PARVB: variants seen among roughly 807,000 people sequenced by gnomAD.
PARVB encodes the protein parvin beta.
PARVB carries 46 observed loss-of-function variants against 47.0 expected under a neutral mutation model. The ratio of observed to expected loss-of-function variants is 0.98; its 90% CI spans 0.77 to 1.25. PARVB has a LOEUF of 1.25. Ranked by LOEUF, PARVB falls within the 50% of genes most tolerant of loss-of-function variation. The pLI is 0.00. For synonymous variants in PARVB, 196 were observed against 196.3 expected (o/e 1.00, Z 0.01); for missense variants, 473 against 471.6 (o/e 1.00, Z -0.03).
intron 2 of PARVB, among the ~76,000 whole-genome samples, chr22:44,013,517 AAC>A (rs1276398858): frequency 2.0e-5 from 3 of 152,220 alleles, no homozygotes; most frequent in African/African-American, 7.2e-5. Context: ...AGCCACTATC[AAC>A]ACAGAACAGA....
At chr22:44,094,886 G>A (rs940322651) in intron 2 of PARVB, among the ~76,000 whole-genome samples, 1 of 151,602 alleles carries the variant, frequency 6.6e-6, no homozygotes, top group Non-Finnish European at 1.5e-5. Context: ...TGGGCTTTGC[G>A]GTGCAGGAGC....
intron 10 of PARVB, among the ~76,000 whole-genome samples, chr22:44,154,866 G>T (rs532006210): frequency 1.8e-3 from 262 of 142,566 alleles, no homozygotes; most frequent in Non-Finnish European, 3.2e-3. Flanking sequence ...CTGTGGTGGG[G>T]GTGTGTGTGT....
chr22:44,161,212 G>A (rs539168819), intron 11 of PARVB, among the ~76,000 whole-genome samples: 1 of 152,192 alleles, frequency 6.6e-6, no homozygotes, highest in East Asian at 1.9e-4. Flanking sequence ...GTTGCTAGGG[G>A]AGTGGAGGTG....
rs1012118356 is a variant in PARVB, at chr22:44,089,564, A to G, written c.113-4364A>G. 5 of 150,212 alleles carry G rather than the reference A, an allele frequency of 3.3e-5. No homozygotes were observed. Among genetic ancestry groups the G allele is most frequent in the African/African-American group, 9.8e-5 (4 of 40,884 alleles). 9.3% of individuals were successfully genotyped at this position (150,212 alleles called of 1,614,324 possible). A position where few individuals can be genotyped will look rare whatever the true frequency, so the allele number is the denominator to read the frequency against. On this transcript the variant is annotated intron_variant, in intron 1 of 12. Coordinates refer to ENST00000338758, the MANE Select transcript of PARVB (RefSeq NM_013327.5). The surrounding 1 kb of genome is among the most constrained non-coding windows in gnomAD (Gnocchi z 4.0). ...AGTAGACCGGTACTTTAAAAACCAA[A>G]ACATTCCTGGGATTCACTGAAAGCC...
In PARVB at chr22:44,024,444, G is replaced by A. The variant is rs1373610226; in HGVS notation, c.105G>A (p.Ala35=). 14 of 1,185,794 alleles carry A rather than the reference G, an allele frequency of 1.2e-5. No individual in the cohort carries two copies. Among genetic ancestry groups the A allele is most frequent in the Non-Finnish European group, 1.5e-5 (14 of 953,420 alleles). 73.5% of individuals were successfully genotyped at this position (1,185,794 alleles called of 1,614,324 possible). Residue 35 remains alanine, a synonymous_variant, in exon 1 of 13, where the codon GCG becomes GCA. Coordinates refer to ENST00000338758, the MANE Select transcript of PARVB (RefSeq NM_013327.5). ...LGGTLARKRR[A]REVSDLQEEG... is the part of the protein sequence containing the mutation. ...GCACCCTGGCCAGGAAGCGGAGGGC[G>A]CGCGAGGGTGAGTGCGCGCCCGCGC...
chr22:44,013,327 G>T (rs57340557), intron 2 of PARVB, among the ~76,000 whole-genome samples: 2,757 of 152,258 alleles, frequency 0.018, 89 homozygotes, highest in African/African-American at 0.063. Context: ...TTTTCCCCAA[G>T]AATTTATTGT....
At chr22:44,140,001 T>G in intron 7 of PARVB, 123 bp from the exon 8 acceptor site, 1 of 112,388 alleles carries the variant, frequency 8.9e-6, no homozygotes, top group Middle Eastern at 2.5e-3. Context: ...TCAGTAGGCC[T>G]TTACCTGGGC....
intron 10 of PARVB, among the ~76,000 whole-genome samples, chr22:44,153,996 G>A (rs1386494672): frequency 6.6e-6 from 1 of 152,136 alleles, no homozygotes; most frequent in African/African-American, 2.4e-5. Flanking sequence ...AGCCTGCACC[G>A]CACACTTTGA....
At position 44,172,598 on chromosome 22, in the gene PARVB, G is replaced by C. The variant is rs1403179597; in HGVS notation, c.*3920G>C. The stretch of plus-strand genomic sequence containing the variant: ...CAGTGTTATGCAAGCACCGAGCCCA[G>C]AGTCCCGCTGGGCCGTGGTGTCCTA... On this transcript the variant is annotated 3_prime_UTR_variant, in exon 13 of 13. Transcript: ENST00000338758. 4.8e-6 allele frequency: 1 copy of C among 209,810 alleles called. No individual in the cohort carries two copies. The highest frequency in any genetic ancestry group is 9.9e-6 in the Non-Finnish European group (1 of 101,442). The allele number at this position is 209,810 out of a possible 1,614,324, so 13.0% of individuals were successfully genotyped here. A position where few individuals can be genotyped will look rare whatever the true frequency, so the allele number is the denominator to read the frequency against.
At chr22:44,064,236 C>T (rs2051475376) in intron 1 of PARVB, among the ~76,000 whole-genome samples, 1 of 152,244 alleles carries the variant, frequency 6.6e-6, no homozygotes, top group Non-Finnish European at 1.5e-5. Context: ...GTTATAGTCA[C>T]GCCGAAACCC....
Position 44,049,398 on chromosome 22 carries a change from G to C in PARVB, c.112+24947G>C, listed in dbSNP as rs2051168007. 2.0e-5 allele frequency among the ~76,000 whole-genome samples: 3 copies of C among 152,162 alleles called. No homozygotes were observed. Among genetic ancestry groups the C allele is most frequent in the Admixed American group, 1.3e-4 (2 of 15,278 alleles). ...ATCGGAGGTCCGTTTCTCAAGTTTA[G>C]CTCCTGTCTGATTAAATTTGAGGTT... On this transcript the variant is annotated intron_variant, in intron 1 of 12. Transcript: ENST00000338758. The surrounding 1 kb of genome is among the most constrained non-coding windows in gnomAD (Gnocchi z 4.0).
chr22:44,107,522 G>A (rs898693398), intron 3 of PARVB: 1 of 152,172 alleles, frequency 6.6e-6, no homozygotes, highest in Non-Finnish European at 1.5e-5. Context: ...TATTCATAAT[G>A]AGATCTGGGT....
At chr22:44,019,073 T>A (rs1391215616) in intron 2 of PARVB, among the ~76,000 whole-genome samples, 2 of 149,562 alleles carry the variant, frequency 1.3e-5, no homozygotes, top group African/African-American at 2.5e-5. Flanking sequence ...CCTGCCACCA[T>A]ACCTGGCTAA....
intron 3 of PARVB, among the ~76,000 whole-genome samples, chr22:44,102,143 C>T (rs955565249): frequency 7.9e-5 from 12 of 152,304 alleles, no homozygotes; most frequent in East Asian, 3.9e-4. Flanking sequence ...CCCTGAGTAC[C>T]GGGAACAGGG....
At position 44,024,457 on chromosome 22, in the gene PARVB, T is replaced by A; in HGVS notation, c.112+6T>A. The A allele has an allele frequency of 8.9e-7, 1 of 1,120,498 alleles. No individual in the cohort carries two copies. Among genetic ancestry groups the A allele is most frequent in the South Asian group, 3.5e-5 (1 of 28,700 alleles). The allele number at this position is 1,120,498 out of a possible 1,614,324, so 69.4% of individuals were successfully genotyped here. ...GAAGCGGAGGGCGCGCGAGGGTGAG[T>A]GCGCGCCCGCGCCCGCCGACCCCCG... On this transcript the variant is annotated splice_donor_region_variant and intron_variant, in intron 1 of 12. Transcript: ENST00000338758.
chr22:44,159,351 C>T (rs1201635272), intron 11 of PARVB, among the ~76,000 whole-genome samples: 1 of 152,218 alleles, frequency 6.6e-6, no homozygotes, highest in African/African-American at 2.4e-5. Flanking sequence ...AGGCTTTGTA[C>T]AAATGTCAGA....
At chr22:44,116,825 C>T (rs1010046867) in intron 3 of PARVB, among the ~76,000 whole-genome samples, 1 of 151,984 alleles carries the variant, frequency 6.6e-6, no homozygotes, top group Non-Finnish European at 1.5e-5. Context: ...GGGGTGGTAT[C>T]TGGGTTAGGG....
At chr22:44,015,493 C>T (rs2050566553) in intron 2 of PARVB, among the ~76,000 whole-genome samples, 1 of 152,146 alleles carries the variant, frequency 6.6e-6, no homozygotes. Flanking sequence ...AACAACATGA[C>T]ACTGGCCAGA....
upstream of PARVB, among the ~76,000 whole-genome samples, chr22:44,020,393 C>T (rs114813597): frequency 0.043 from 6,493 of 152,146 alleles, 258 homozygotes; most frequent in African/African-American, 0.098. Context: ...AGGCTGGTCT[C>T]GAATTCTTAG....
Sources: allele counts gnomAD v4.1 joint callset (sites outside exome capture counted in the v4.1 genomes callset), GRCh38; gene constraint gnomAD v4.1.1; non-coding constraint Gnocchi (gnomAD v3.1); transcripts MANE v1.5; gene names NCBI Gene and HGNC (gene_info 2026-07-23, HGNC 2026-07-21).